The following SGPP2 variants were observed in gnomAD, a reference collection of about 807,000 sequenced individuals.
The protein encoded by SGPP2 is sphingosine 1-phosphate phosphohydrolase 2.
In SGPP2, 30 loss-of-function variants were observed where a neutral mutation model predicts 33.9. The observed-to-expected ratio is 0.89, with a 90% CI of 0.66 to 1.20. The LOEUF (loss-of-function observed/expected upper bound fraction) is 1.20, where lower values mean the gene tolerates loss of function less well. SGPP2 is among the 50% of genes most tolerant of loss of function. SGPP2 has a pLI of 0.00. For synonymous variants in SGPP2, 233 were observed against 225.0 expected (o/e 1.04, Z -0.32); for missense variants, 458 against 532.1 (o/e 0.86, Z 1.37).
At chr2:222,528,329 A>T (rs963197369) in intron 4 of SGPP2, among the ~76,000 whole-genome samples, 1 of 152,166 alleles carries the variant, frequency 6.6e-6, no homozygotes, top group Non-Finnish European at 1.5e-5. Flanking sequence ...CATCAAGTCA[A>T]TATCACAATC....
chr2:222,473,853 G>A (rs1308316230), intron 1 of SGPP2, among the ~76,000 whole-genome samples: 1 of 149,176 alleles, frequency 6.7e-6, no homozygotes, highest in Admixed American at 6.8e-5. Flanking sequence ...GAACCCAGGA[G>A]GCGGAGGTTG....
intron 4 of SGPP2, among the ~76,000 whole-genome samples, chr2:222,529,653 A>T (rs1698811518): frequency 6.6e-6 from 1 of 152,152 alleles, no homozygotes; most frequent in African/African-American, 2.4e-5. Flanking sequence ...TTTTAATCAT[A>T]TCTGCCGTTA....
At chr2:222,513,646 A>G (rs1045442771) in intron 2 of SGPP2, among the ~76,000 whole-genome samples, 2 of 152,196 alleles carry the variant, frequency 1.3e-5, no homozygotes, top group African/African-American at 2.4e-5. Context: ...GGTTAGACCA[A>G]TCCAATGACA....
In SGPP2 at chr2:222,560,725, G is replaced by A. The variant is rs187413242; in HGVS notation, c.*1827G>A. Reference sequence around the variant, plus strand: ...CAGAGGCTCTTAACGTGTTAAAACCGAAAAATCACATTTTTCTTGATTTCA... The same window carrying A: ...CAGAGGCTCTTAACGTGTTAAAACCAAAAAATCACATTTTTCTTGATTTCA... On this transcript the variant is annotated 3_prime_UTR_variant, in exon 5 of 5. Coordinates refer to ENST00000321276, the MANE Select transcript of SGPP2 (RefSeq NM_152386.4). The A allele has an allele frequency of 1.4e-4, 21 of 152,220 alleles. No individual in the cohort carries two copies. Among genetic ancestry groups the A allele is most frequent in the Non-Finnish European group, 2.1e-4 (14 of 68,002 alleles). The allele number at this position is 152,220 out of a possible 1,614,324, so 9.4% of individuals were successfully genotyped here. A position where few individuals can be genotyped will look rare whatever the true frequency, so the allele number is the denominator to read the frequency against.
intron 1 of SGPP2, among the ~76,000 whole-genome samples, chr2:222,461,182 A>G (rs1697653870): frequency 6.6e-6 from 1 of 152,246 alleles, no homozygotes; most frequent in African/African-American, 2.4e-5. Flanking sequence ...TATTGAACAC[A>G]TGCTGTGTGC....
rs1479012550 is a variant in SGPP2, at chr2:222,521,816, G to GTC, written c.429_430dup (p.Pro144LeufsTer8). 1 of 1,610,074 alleles carries GTC rather than the reference G, an allele frequency of 6.2e-7. No homozygotes were observed. The highest frequency in any genetic ancestry group is 8.5e-7 in the Non-Finnish European group (1 of 1,178,768). On this transcript the variant is annotated frameshift_variant, in exon 3 of 5. Transcript: ENST00000321276. LOFTEE classifies it high-confidence loss of function. ...GCCAAGGATGTCTTGAAGTGGCCCCGTCCCTCCTCCCCTCCAGTTGTAAAA... is the reference window on the plus strand; with the variant it reads ...GCCAAGGATGTCTTGAAGTGGCCCCGTCTCCCTCCTCCCCTCCAGTTGTAAAA...
At chr2:222,520,204 C>T (rs966024054) in intron 2 of SGPP2, among the ~76,000 whole-genome samples, 5 of 152,050 alleles carry the variant, frequency 3.3e-5, no homozygotes, top group Non-Finnish European at 5.9e-5. Flanking sequence ...TTAATAATAG[C>T]GATTCTGACT....
At chr2:222,549,750 C>T (rs1689259814) in intron 4 of SGPP2, among the ~76,000 whole-genome samples, 1 of 151,442 alleles carries the variant, frequency 6.6e-6, no homozygotes. Flanking sequence ...CTTTTTTTTT[C>T]CAAATAATTT....
intron 2 of SGPP2, among the ~76,000 whole-genome samples, chr2:222,516,302 T>C (rs1316927058): frequency 2.6e-5 from 4 of 152,256 alleles, no homozygotes; most frequent in Non-Finnish European, 5.9e-5. Flanking sequence ...CTGGCTTCTC[T>C]TCATTCAGCA....
At chr2:222,427,422 T>TTTGTGG (rs1253454853) in intron 1 of SGPP2, among the ~76,000 whole-genome samples, 1 of 151,590 alleles carries the variant, frequency 6.6e-6, no homozygotes, top group Non-Finnish European at 1.5e-5. Context: ...CATCATCTGG[T>TTTGTGG]TTGTTGTTGT....
intron 4 of SGPP2, among the ~76,000 whole-genome samples, chr2:222,527,282 CAAA>C (rs199827851): frequency 6.7e-6 from 1 of 148,852 alleles, no homozygotes; most frequent in African/African-American, 2.5e-5. Flanking sequence ...CACTGAGAAA[CAAA>C]AAAAAAATTG....
chr2:222,497,510 G>C (rs1226708813), intron 2 of SGPP2, among the ~76,000 whole-genome samples: 2 of 152,102 alleles, frequency 1.3e-5, no homozygotes, highest in Non-Finnish European at 2.9e-5. Flanking sequence ...GCCTCCCAAA[G>C]CACTGGGATT....
intron 1 of SGPP2, among the ~76,000 whole-genome samples, chr2:222,463,290 A>G (rs1468858902): frequency 1.3e-5 from 2 of 152,190 alleles, no homozygotes; most frequent in Non-Finnish European, 2.9e-5. Flanking sequence ...TGTCTTTACC[A>G]TCTTGGATTC....
At chr2:222,555,552 A>C (rs1689379990) in intron 4 of SGPP2, among the ~76,000 whole-genome samples, 1 of 151,836 alleles carries the variant, frequency 6.6e-6, no homozygotes, top group African/African-American at 2.4e-5. Flanking sequence ...TTCAATCAAA[A>C]AATGCAGGCC....
chr2:222,473,646 C>T (rs780047370), intron 1 of SGPP2, among the ~76,000 whole-genome samples: 2 of 152,134 alleles, frequency 1.3e-5, no homozygotes, highest in African/African-American at 2.4e-5. Flanking sequence ...ATTGTCAGGC[C>T]GGGCACGGTG....
chr2:222,494,090 C>T (rs1213849275), intron 2 of SGPP2, among the ~76,000 whole-genome samples: 1 of 152,204 alleles, frequency 6.6e-6, no homozygotes. Context: ...AACCACCAAA[C>T]TGCTTTTTGT....
At chr2:222,539,744 A>G (rs538046772) in intron 4 of SGPP2, among the ~76,000 whole-genome samples, 4 of 152,342 alleles carry the variant, frequency 2.6e-5, no homozygotes, top group African/African-American at 9.6e-5. Flanking sequence ...GAAGGCATCA[A>G]ACTGGTAGAA....
intron 4 of SGPP2, among the ~76,000 whole-genome samples, chr2:222,552,324 C>T (rs1237872024): frequency 1.3e-5 from 2 of 152,296 alleles, no homozygotes; most frequent in Middle Eastern, 3.4e-3. Flanking sequence ...TACATTCCCA[C>T]CAGCAGTGTA....
chr2:222,445,789 C>T (rs1179464685), intron 1 of SGPP2, among the ~76,000 whole-genome samples: 3 of 152,212 alleles, frequency 2.0e-5, no homozygotes, highest in Admixed American at 6.5e-5. Flanking sequence ...ATGTCCTCTC[C>T]TCTGAATCCT....
Sources: gnomAD v4.1 joint callset for allele counts (sites outside exome capture counted in the v4.1 genomes callset) on GRCh38, gnomAD v4.1.1 for gene constraint, MANE v1.5 for transcripts, NCBI Gene and HGNC (gene_info 2026-07-23, HGNC 2026-07-21) for gene names.